The following BAIAP2L1 variants were observed in gnomAD, a reference collection of about 807,000 sequenced individuals.
The protein encoded by BAIAP2L1 is BAR/IMD domain containing adaptor protein 2 like 1.
Under a neutral mutation model 66.3 loss-of-function variants are expected in BAIAP2L1, and 35 were observed. That is an observed-to-expected ratio of 0.53 (90% CI 0.40 to 0.70). The LOEUF is 0.70. Among genes scored for constraint, BAIAP2L1 ranks in the 30% least tolerant of loss-of-function variants. The pLI is 0.00. For synonymous variants in BAIAP2L1, 269 were observed against 248.7 expected (o/e 1.08, Z -0.77); for missense variants, 622 against 656.9 (o/e 0.95, Z 0.58).
intron 1 of BAIAP2L1, among the ~76,000 whole-genome samples, chr7:98,381,906 A>T (rs989489885): frequency 6.8e-6 from 1 of 147,446 alleles, no homozygotes; most frequent in African/African-American, 2.5e-5. Flanking sequence ...ACCCCCACCC[A>T]CATTAGGGTA....
At chr7:98,383,875 C>T (rs79076821) in intron 1 of BAIAP2L1, among the ~76,000 whole-genome samples, 2 of 152,048 alleles carry the variant, frequency 1.3e-5, no homozygotes, top group Non-Finnish European at 2.9e-5. Flanking sequence ...AGCTCCAGGC[C>T]GGGTGTGGTG....
chr7:98,398,508 G>A (rs1803272238), intron 1 of BAIAP2L1, among the ~76,000 whole-genome samples: 1 of 151,344 alleles, frequency 6.6e-6, no homozygotes, highest in Admixed American at 6.6e-5. Flanking sequence ...CACTAACAAG[G>A]AAATAGTAAT....
At chr7:98,306,835 T>C (rs1442582906) in intron 10 of BAIAP2L1, 2 of 352,092 alleles carry the variant, frequency 5.7e-6, no homozygotes, top group African/African-American at 4.2e-5. Context: ...AGCATCCGAG[T>C]AGCTGTGACT....
chr7:98,354,015 A>G (rs1802066319), intron 3 of BAIAP2L1, among the ~76,000 whole-genome samples: 1 of 151,530 alleles, frequency 6.6e-6, no homozygotes, highest in Admixed American at 6.6e-5. Flanking sequence ...AAAAAATTAA[A>G]AAATACATAG....
At chr7:98,390,380 T>G (rs995682002) in intron 1 of BAIAP2L1, among the ~76,000 whole-genome samples, 1 of 152,252 alleles carries the variant, frequency 6.6e-6, no homozygotes, top group South Asian at 2.1e-4. Context: ...AAACGGAATA[T>G]ATATATTTAT....
intron 1 of BAIAP2L1, among the ~76,000 whole-genome samples, chr7:98,376,787 A>G (rs1802644204): frequency 6.6e-6 from 1 of 152,060 alleles, no homozygotes; most frequent in Non-Finnish European, 1.5e-5. Context: ...AGCTGAGATT[A>G]TGCCATCGCA....
chr7:98,306,432 GGGCT>G lies in BAIAP2L1; in HGVS notation c.1241+3_1241+6del. The G allele has an allele frequency of 6.2e-7, 1 of 1,614,184 alleles. No individual in the cohort carries two copies. The highest frequency in any genetic ancestry group is 2.2e-5 in the East Asian group (1 of 44,876). Reference sequence around the variant, plus strand: ...CACCGGGAGAGCTCAGCCACGTTCAGGGCTACCTTGGCGTGGGCACGGTCACTGC... The same window carrying G: ...CACCGGGAGAGCTCAGCCACGTTCAGACCTTGGCGTGGGCACGGTCACTGC... On this transcript the variant is annotated splice_donor_5th_base_variant and intron_variant, in intron 11 of 13. Coordinates refer to ENST00000005260, the MANE Select transcript of BAIAP2L1 (RefSeq NM_018842.5).
chr7:98,352,238 G>A (rs960292064), intron 3 of BAIAP2L1, among the ~76,000 whole-genome samples: 3 of 152,102 alleles, frequency 2.0e-5, no homozygotes, highest in South Asian at 2.1e-4. Flanking sequence ...GGAATTGTTC[G>A]AAACGAGAAG....
chr7:98,372,871 G>T (rs563811577), intron 1 of BAIAP2L1, among the ~76,000 whole-genome samples: 62 of 151,568 alleles, frequency 4.1e-4, no homozygotes, highest in Non-Finnish European at 8.1e-4. Flanking sequence ...TAAGGAGTAG[G>T]TGGGATTACA....
At chr7:98,370,926 G>C (rs982981286) in intron 1 of BAIAP2L1, among the ~76,000 whole-genome samples, 1 of 152,150 alleles carries the variant, frequency 6.6e-6, no homozygotes, top group Non-Finnish European at 1.5e-5. Context: ...TTGTATTCCA[G>C]AATCTATAAA....
chr7:98,393,088 TAC>T (rs1562795887), intron 1 of BAIAP2L1, among the ~76,000 whole-genome samples: 2 of 121,248 alleles, frequency 1.6e-5, no homozygotes, highest in Non-Finnish European at 1.7e-5. Flanking sequence ...CACACATATA[TAC>T]ATATATACGT....
chr7:98,335,338 C>T (rs1171575849), intron 3 of BAIAP2L1, among the ~76,000 whole-genome samples: 1 of 152,080 alleles, frequency 6.6e-6, no homozygotes, highest in Non-Finnish European at 1.5e-5. Context: ...CAGTTTCCCT[C>T]CACCCCCACA....
chr7:98,307,742 G>A lies in BAIAP2L1; in HGVS notation c.1110C>T (p.Leu370=). Residue 370 remains leucine, a synonymous_variant, in exon 10 of 14, where the codon CTC becomes CTT. Coordinates refer to ENST00000005260, the MANE Select transcript of BAIAP2L1 (RefSeq NM_018842.5). The stretch of plus-strand genomic sequence containing the variant: ...GCCAGCCATCCTTCTCCTCGGGGAT[G>A]AGCAGCGTGATGACATCTCCCTGTG... ...SFAQGDVITL[L]IPEEKDGWLY... is the part of the protein sequence containing the mutation. 1.2e-6 allele frequency: 2 copies of A among 1,614,242 alleles called. No homozygotes were observed. The highest frequency in any genetic ancestry group is 1.7e-5 in the Admixed American group (1 of 60,028).
At position 98,344,576 on chromosome 7, in the gene BAIAP2L1, CATT is replaced by C. The variant is rs199906564; in HGVS notation, c.214+10463_214+10465del. On this transcript the variant is annotated intron_variant, in intron 3 of 13. Transcript: ENST00000005260. ...AGATTTGCCGATCATTTAAATCCAT[CATT>C]ATTTCCTAAATTTTAGATACTAACT... 5.0e-4 allele frequency among the ~76,000 whole-genome samples: 76 copies of C among 152,290 alleles called. No homozygotes were observed. In the East Asian group the frequency reaches 0.012, roughly 24 times the overall value.
At chr7:98,361,482 G>A (rs1252029267) in intron 2 of BAIAP2L1, among the ~76,000 whole-genome samples, 4 of 152,152 alleles carry the variant, frequency 2.6e-5, no homozygotes, top group Non-Finnish European at 5.9e-5. Context: ...AAAGTAGAGC[G>A]GTGGGAGAGG....
rs559083517 is a variant in BAIAP2L1 at position 98,320,039 on chromosome 7, A to C, written c.348+19T>G. The C allele has an allele frequency of 1.2e-6, 2 of 1,605,958 alleles. No homozygotes were observed. The highest frequency in any genetic ancestry group is 3.4e-5 in the Admixed American group (2 of 59,298). ...TCAGGCAGCCCAAGGCTGGGGCTGGAGGAAAACCATGCACTTACGTTCATA... is the reference window on the plus strand; with the variant it reads ...TCAGGCAGCCCAAGGCTGGGGCTGGCGGAAAACCATGCACTTACGTTCATA... On this transcript the variant is annotated intron_variant, in intron 5 of 13. Coordinates refer to ENST00000005260, the MANE Select transcript of BAIAP2L1 (RefSeq NM_018842.5).
intron 11 of BAIAP2L1, among the ~76,000 whole-genome samples, chr7:98,305,106 G>A (rs145525896): frequency 0.027 from 3,517 of 131,136 alleles, 146 homozygotes; most frequent in African/African-American, 0.098. Flanking sequence ...GGCCAGGCTA[G>A]TCTTGAACTC....
In BAIAP2L1 at chr7:98,315,619, A is replaced by T. The variant is rs1360227382; in HGVS notation, c.487-7T>A. ...AAGTAACGGTCTCCACATACTAAAAAAAAAAAAATAATAATAATAATAATT... is the reference window on the plus strand; with the variant it reads ...AAGTAACGGTCTCCACATACTAAAATAAAAAAAATAATAATAATAATAATT... On this transcript the variant is annotated splice_region_variant and splice_polypyrimidine_tract_variant and intron_variant, in intron 6 of 13. Coordinates refer to ENST00000005260, the MANE Select transcript of BAIAP2L1 (RefSeq NM_018842.5). 2.6e-5 allele frequency: 20 copies of T among 782,224 alleles called. No individual in the cohort carries two copies. The highest frequency in any genetic ancestry group is 5.0e-5 in the Admixed American group (1 of 19,968). 48.5% of individuals were successfully genotyped at this position (782,224 alleles called of 1,614,324 possible).
chr7:98,376,750 TG>T (rs1802642794), intron 1 of BAIAP2L1, among the ~76,000 whole-genome samples: 2 of 151,858 alleles, frequency 1.3e-5, no homozygotes, highest in East Asian at 3.9e-4. Context: ...GAGAATCACT[TG>T]AACCCGGGAG....
Sources: allele counts gnomAD v4.1 joint callset (sites outside exome capture counted in the v4.1 genomes callset), GRCh38; gene constraint gnomAD v4.1.1; transcripts MANE v1.5; gene names NCBI Gene and HGNC (gene_info 2026-07-23, HGNC 2026-07-21).